Variants in ARSG observed in about 807,000 individuals in gnomAD.
ARSG encodes the protein ASG.
A neutral mutation model predicts 50.5 loss-of-function variants in ARSG; 37 were observed. The observed-to-expected ratio is 0.73, with a 90% confidence interval of 0.56 to 0.96. The LOEUF (loss-of-function observed/expected upper bound fraction) is 0.96, where lower values mean the gene tolerates loss of function less well. Ranked by LOEUF, ARSG falls within the 50% of genes least tolerant of loss-of-function variation. The pLI is 0.00. For synonymous variants in ARSG, 225 were observed against 254.6 expected (o/e 0.88, Z 1.11); for missense variants, 629 against 675.3 (o/e 0.93, Z 0.76).
chr17:68,435,650 T>A, the ARSG span: 2 of 1,614,096 alleles, frequency 1.2e-6, no homozygotes, highest in Non-Finnish European at 1.7e-6. Flanking sequence ...GTTTGGAGCC[T>A]GAGGCATTGA....
intron 11 of ARSG, among the ~76,000 whole-genome samples, chr17:68,419,636 G>A (rs1267393290): frequency 6.6e-6 from 1 of 152,082 alleles, no homozygotes; most frequent in Non-Finnish European, 1.5e-5. Context: ...ATGTTCTACT[G>A]GCCCTGAAGG....
chr17:68,272,968 G>A (rs782191771), intron 1 of ARSG, among the ~76,000 whole-genome samples: 14 of 151,780 alleles, frequency 9.2e-5, no homozygotes, highest in Non-Finnish European at 2.1e-4. Context: ...TGGTTGTTTG[G>A]GATACTAAAA....
chr17:68,331,755 G>A (rs945050950), intron 2 of ARSG, among the ~76,000 whole-genome samples: 13 of 152,186 alleles, frequency 8.5e-5, no homozygotes, highest in Non-Finnish European at 1.9e-4. Flanking sequence ...AAGGGAAAGA[G>A]TACAAAACAG....
chr17:68,374,104 C>T (rs2080012462), intron 8 of ARSG, among the ~76,000 whole-genome samples: 1 of 145,830 alleles, frequency 6.9e-6, no homozygotes, highest in Admixed American at 7.1e-5. Flanking sequence ...TTGCAGTGAG[C>T]TGAGATCGCA....
At chr17:68,282,294 T>C (rs550662328) in intron 1 of ARSG, among the ~76,000 whole-genome samples, 1 of 151,796 alleles carries the variant, frequency 6.6e-6, no homozygotes, top group African/African-American at 2.4e-5. Flanking sequence ...TAGGTGGGAA[T>C]TGAACAATGA....
At chr17:68,398,061 C>T (rs988532153) in intron 10 of ARSG, among the ~76,000 whole-genome samples, 1 of 152,216 alleles carries the variant, frequency 6.6e-6, no homozygotes, top group African/African-American at 2.4e-5. Flanking sequence ...GCCACTGTGC[C>T]TGGGCTGCAT....
At chr17:68,276,516 A>G (rs2075526615) in intron 1 of ARSG, among the ~76,000 whole-genome samples, 1 of 151,472 alleles carries the variant, frequency 6.6e-6, no homozygotes, top group African/African-American at 2.4e-5. Context: ...TGGCATGATC[A>G]TGGCTCACTG....
chr17:68,418,214 T>G (rs2082513526), intron 11 of ARSG, among the ~76,000 whole-genome samples: 1 of 152,210 alleles, frequency 6.6e-6, no homozygotes, highest in Non-Finnish European at 1.5e-5. Context: ...AGAGTGTTGA[T>G]TTTTGTTTTC....
chr17:68,425,382 C>CT (rs112331284), downstream of ARSG, among the ~76,000 whole-genome samples: 33 of 132,288 alleles, frequency 2.5e-4, no homozygotes, highest in East Asian at 8.9e-4. Context: ...TTTTTCTTTT[C>CT]TTTTTTTTTT....
intron 8 of ARSG, among the ~76,000 whole-genome samples, chr17:68,377,905 C>A (rs1321610681): frequency 6.6e-6 from 1 of 152,204 alleles, no homozygotes; most frequent in East Asian, 1.9e-4. Context: ...CATGATCGGG[C>A]TGGGGCTGGA....
intron 6 of ARSG, among the ~76,000 whole-genome samples, chr17:68,360,016 T>G (rs902067658): frequency 1.3e-5 from 2 of 152,174 alleles, no homozygotes; most frequent in Non-Finnish European, 2.9e-5. Flanking sequence ...TCTGCTTTTG[T>G]GGTGACTCAA....
intron 11 of ARSG, among the ~76,000 whole-genome samples, chr17:68,411,970 T>C (rs925431158): frequency 1.1e-4 from 16 of 152,074 alleles, no homozygotes; most frequent in Middle Eastern, 3.2e-3. Flanking sequence ...TTCCATTTGC[T>C]TGGTAGATCT....
intron 1 of ARSG, among the ~76,000 whole-genome samples, chr17:68,296,823 G>A (rs1249048965): frequency 6.6e-6 from 1 of 152,194 alleles, no homozygotes; most frequent in Non-Finnish European, 1.5e-5. Flanking sequence ...GGACACATGC[G>A]ATTGTTACGT....
chr17:68,445,622 C>T, the ARSG span, among the ~76,000 whole-genome samples: 2 of 152,232 alleles, frequency 1.3e-5, no homozygotes, highest in Non-Finnish European at 2.9e-5. Context: ...CACATGAAAG[C>T]TTGTCAGGTT....
intron 11 of ARSG, among the ~76,000 whole-genome samples, chr17:68,416,811 CTGA>C (rs1276999264): frequency 6.6e-6 from 1 of 152,128 alleles, no homozygotes; most frequent in African/African-American, 2.4e-5. Flanking sequence ...CCAATGTTTC[CTGA>C]TGTTTTAACT....
chr17:68,338,313 C>G (rs919948609), intron 2 of ARSG, among the ~76,000 whole-genome samples: 7 of 152,114 alleles, frequency 4.6e-5, no homozygotes, highest in African/African-American at 1.7e-4. Flanking sequence ...ATTTTTCTGT[C>G]CTCCCTTACA....
intron 1 of ARSG, among the ~76,000 whole-genome samples, 187 bp from the exon 2 acceptor site, chr17:68,306,756 G>A (rs1207950279): frequency 2.6e-5 from 4 of 152,114 alleles, no homozygotes; most frequent in East Asian, 1.9e-4. Context: ...CAACCCTGTC[G>A]CTATAGGTCC....
intron 2 of ARSG, among the ~76,000 whole-genome samples, chr17:68,326,083 G>A (rs1555772298): frequency 6.6e-6 from 1 of 152,198 alleles, no homozygotes; most frequent in Non-Finnish European, 1.5e-5. Context: ...GACAAGACTA[G>A]GCAGACATAC....
At chr17:68,310,929 G>A (rs2076828119) in intron 2 of ARSG, among the ~76,000 whole-genome samples, 2 of 152,208 alleles carry the variant, frequency 1.3e-5, no homozygotes, top group South Asian at 2.1e-4. Flanking sequence ...GGCTGGGTGT[G>A]GTGGCTCACG....
Sources: gnomAD v4.1 joint callset for allele counts (sites outside exome capture counted in the v4.1 genomes callset) on GRCh38, gnomAD v4.1.1 for gene constraint, MANE v1.5 for transcripts, NCBI Gene and HGNC (gene_info 2026-07-23, HGNC 2026-07-21) for gene names.